KCNN2: variants seen among roughly 807,000 people sequenced by gnomAD.
KCNN2 encodes small conductance calcium-activated potassium channel protein 2.
In KCNN2, 24 loss-of-function variants were observed where a neutral mutation model predicts 55.5. The ratio of observed to expected loss-of-function variants is 0.43; its 90% CI spans 0.31 to 0.61. The LOEUF (loss-of-function observed/expected upper bound fraction) is 0.61, where lower values mean the gene tolerates loss of function less well. Among genes scored for constraint, KCNN2 ranks in the 20% least tolerant of loss-of-function variants. The pLI, the probability that KCNN2 is intolerant of heterozygous loss-of-function variation, is 0.08. For synonymous variants in KCNN2, 431 were observed against 336.1 expected, an observed-to-expected ratio of 1.28 and a Z score of -3.09; for missense variants, 754 against 853.6, an observed-to-expected ratio of 0.88 and a Z score of 1.45.
intron 2 of KCNN2, among the ~76,000 whole-genome samples, chr5:114,375,276 A>G (rs1010819137): frequency 2.0e-5 from 3 of 152,142 alleles, no homozygotes; most frequent in Admixed American, 2.0e-4. Flanking sequence ...GAGGCTGAGT[A>G]TTGAAGTTGT....
chr5:114,328,903 G>A (rs183339514), intron 2 of KCNN2, among the ~76,000 whole-genome samples: 4 of 152,102 alleles, frequency 2.6e-5, no homozygotes, highest in African/African-American at 9.6e-5. Flanking sequence ...CCTTTAGCTG[G>A]CCAAAAAAGT....
At chr5:114,077,452 A>G (rs1203419329) in intron 1 of KCNN2, among the ~76,000 whole-genome samples, 1 of 152,166 alleles carries the variant, frequency 6.6e-6, no homozygotes, top group Non-Finnish European at 1.5e-5. Context: ...GCAGTGGGGT[A>G]TACAGGATAT....
chr5:114,414,878 G>T (rs1161494103), intron 3 of KCNN2, among the ~76,000 whole-genome samples: 1 of 152,116 alleles, frequency 6.6e-6, no homozygotes, highest in East Asian at 1.9e-4. Context: ...TACAAGCCAA[G>T]AATTTTAGGG....
At chr5:114,383,299 G>A (rs1013259208) in intron 2 of KCNN2, among the ~76,000 whole-genome samples, 3 of 151,972 alleles carry the variant, frequency 2.0e-5, no homozygotes, top group African/African-American at 7.3e-5. Context: ...TGTAGTATTT[G>A]GTGATTCTCT....
chr5:114,379,881 AGC>A (rs1209904606), intron 2 of KCNN2, among the ~76,000 whole-genome samples: 1 of 146,802 alleles, frequency 6.8e-6, no homozygotes, highest in African/African-American at 2.5e-5. Context: ...ATAAATATAT[AGC>A]ATAATTATAT....
At chr5:114,425,116 A>G (rs572877891) in intron 3 of KCNN2, among the ~76,000 whole-genome samples, 2 of 152,336 alleles carry the variant, frequency 1.3e-5, no homozygotes, top group Admixed American at 6.5e-5. Flanking sequence ...TGGTGAAGAA[A>G]TGATGAAAAT....
chr5:114,153,985 C>T (rs1019588042), intron 1 of KCNN2, among the ~76,000 whole-genome samples: 7 of 152,192 alleles, frequency 4.6e-5, no homozygotes, highest in Non-Finnish European at 7.3e-5. Flanking sequence ...TCTCCTAGTC[C>T]AGTGGGTCTA....
At chr5:114,127,734 A>G (rs72797641) in intron 1 of KCNN2, among the ~76,000 whole-genome samples, 1 of 152,322 alleles carries the variant, frequency 6.6e-6, no homozygotes, top group Non-Finnish European at 1.5e-5. Flanking sequence ...CTATTGCCTC[A>G]TCAGGCTGCA....
chr5:114,095,216 T>C (rs1297591754), intron 1 of KCNN2, among the ~76,000 whole-genome samples: 1 of 152,166 alleles, frequency 6.6e-6, no homozygotes, highest in African/African-American at 2.4e-5. Flanking sequence ...CATCACTGTG[T>C]TTCAGGGAGA....
At chr5:114,150,854 T>A (rs566037785) in intron 1 of KCNN2, among the ~76,000 whole-genome samples, 1 of 152,184 alleles carries the variant, frequency 6.6e-6, no homozygotes, top group Admixed American at 6.6e-5. Flanking sequence ...AAACCTCATC[T>A]CTACTAAAAA....
intron 4 of KCNN2, among the ~76,000 whole-genome samples, chr5:114,471,902 A>G (rs1761763557): frequency 2.0e-5 from 3 of 152,144 alleles, no homozygotes; most frequent in Admixed American, 2.0e-4. Context: ...GCAGCAACTC[A>G]TTGAGTAAGC....
rs536686632 is a variant in KCNN2 at position 114,142,468 on chromosome 5, C to T, written c.-270-79012C>T. ...ATGACATGATTGTATATTTAGAATA[C>T]GCCATCATCTCAGCCCAAAATCTCC... On this transcript the variant is annotated intron_variant, in intron 1 of 10. Coordinates refer to the KCNN2 transcript ENST00000512097. Among the ~76,000 whole-genome samples, 13 of 152,160 alleles carry T rather than the reference C, an allele frequency of 8.5e-5. No homozygotes were observed. In the East Asian group the frequency reaches 1.2e-3, roughly 14 times the overall value.
chr5:114,452,875 A>G (rs1181776576), intron 3 of KCNN2, among the ~76,000 whole-genome samples: 2 of 152,084 alleles, frequency 1.3e-5, no homozygotes, highest in African/African-American at 2.4e-5. Flanking sequence ...ACCTTCTTTG[A>G]ATTTCTTTTT....
chr5:114,441,607 A>C (rs935446610), intron 3 of KCNN2, among the ~76,000 whole-genome samples: 31 of 152,202 alleles, frequency 2.0e-4, no homozygotes, highest in Non-Finnish European at 2.4e-4. Flanking sequence ...TGTCATGATA[A>C]TATGAGGGTG....
chr5:114,281,832 A>G (rs1165550851), intron 2 of KCNN2, among the ~76,000 whole-genome samples: 5 of 152,012 alleles, frequency 3.3e-5, no homozygotes, highest in Admixed American at 6.6e-5. Context: ...TCTGGTGTCT[A>G]TGGTCAAGGT....
At chr5:114,290,191 T>G (rs1462535689) in intron 2 of KCNN2, among the ~76,000 whole-genome samples, 1 of 152,188 alleles carries the variant, frequency 6.6e-6, no homozygotes, top group African/African-American at 2.4e-5. Context: ...TGTTAAATCT[T>G]TTTTATATGT....
chr5:114,454,201 A>G (rs1285104170), intron 3 of KCNN2, among the ~76,000 whole-genome samples: 1 of 152,034 alleles, frequency 6.6e-6, no homozygotes, highest in Non-Finnish European at 1.5e-5. Context: ...GCCTTTTTGT[A>G]GTATAATTTA....
chr5:114,127,630 C>T (rs1009914395), intron 1 of KCNN2, among the ~76,000 whole-genome samples: 12 of 152,302 alleles, frequency 7.9e-5, no homozygotes, highest in African/African-American at 2.9e-4. Context: ...GACATTTCCT[C>T]CATTGGCTTG....
At chr5:114,461,371 G>A (rs1761181819) in intron 3 of KCNN2, among the ~76,000 whole-genome samples, 2 of 152,178 alleles carry the variant, frequency 1.3e-5, no homozygotes, top group African/African-American at 4.8e-5. Context: ...GTGAGGAACG[G>A]TGGTGATTTC....
Sources: allele counts gnomAD v4.1 joint callset (sites outside exome capture counted in the v4.1 genomes callset), GRCh38; gene constraint gnomAD v4.1.1; transcripts MANE v1.5; gene names NCBI Gene and HGNC (gene_info 2026-07-23, HGNC 2026-07-21).